DLC1: variants seen among roughly 807,000 people sequenced by gnomAD.
DLC1 encodes DLC1 Rho GTPase activating protein.
Under a neutral mutation model 140.3 loss-of-function variants are expected in DLC1, and 54 were observed. The observed-to-expected ratio is 0.38, with a 90% CI of 0.31 to 0.48. DLC1 has a LOEUF of 0.48. Ranked by LOEUF, DLC1 falls within the 20% of genes least tolerant of loss-of-function variation. The pLI, the probability that DLC1 is intolerant of heterozygous loss-of-function variation, is 0.96. For missense variants in DLC1, 2,536 were observed against 1,907.0 expected (o/e 1.33, Z -6.14); for synonymous variants, 986 against 728.1 (o/e 1.35, Z -5.70).
At chr8:13,519,054 C>T (rs1338285940), upstream of DLC1, among the ~76,000 whole-genome samples, 2 of 151,980 alleles carry the variant, frequency 1.3e-5, no homozygotes, top group East Asian at 1.9e-4. Context: ...AGGTTTGTTA[C>T]ATATGTATAC....
rs144792804 is a variant in DLC1, at chr8:13,276,372, G to A, written c.1348+28897C>T. On this transcript the variant is annotated intron_variant, in intron 5 of 17. Transcript: ENST00000276297. The stretch of plus-strand genomic sequence containing the variant: ...CCGGAGAGGGGCTCGCAGGGGGCGC[G>A]CCATCACGTGGGCCTTGGGGTCCCC... 5 of 1,518,732 alleles carry A rather than the reference G, an allele frequency of 3.3e-6. No homozygotes were observed. The Admixed American group carries it at 8.1e-5, about 25-fold the overall frequency. The allele number at this position is 1,518,732 out of a possible 1,614,324, so 94.1% of individuals were successfully genotyped here.
chr8:13,319,638 T>G (rs774206962), intron 4 of DLC1, among the ~76,000 whole-genome samples: 1 of 152,100 alleles, frequency 6.6e-6, no homozygotes, highest in Non-Finnish European at 1.5e-5. Flanking sequence ...GACATGATTG[T>G]CAGTTTCTTG....
At chr8:13,485,239 G>T (rs1585187022) in intron 2 of DLC1, among the ~76,000 whole-genome samples, 1 of 152,092 alleles carries the variant, frequency 6.6e-6, no homozygotes, top group African/African-American at 2.4e-5. Flanking sequence ...CCCAAGTCCT[G>T]ATGCAGTATA....
chr8:13,426,372 C>T (rs1838582526), intron 2 of DLC1, among the ~76,000 whole-genome samples: 1 of 152,186 alleles, frequency 6.6e-6, no homozygotes, highest in Non-Finnish European at 1.5e-5. Flanking sequence ...CATAGATGCA[C>T]ATGTTTTTAT....
intron 2 of DLC1, among the ~76,000 whole-genome samples, chr8:13,425,909 A>C (rs1838553767): frequency 6.6e-6 from 1 of 152,122 alleles, no homozygotes; most frequent in Non-Finnish European, 1.5e-5. Context: ...AGAACAAGTT[A>C]AAGAAAGGTC....
chr8:13,186,222 G>A (rs528438658), intron 5 of DLC1, among the ~76,000 whole-genome samples: 1 of 152,254 alleles, frequency 6.6e-6, no homozygotes, highest in East Asian at 1.9e-4. Context: ...AAGTTCTCCT[G>A]GATAATATCC....
intron 1 of DLC1, among the ~76,000 whole-genome samples, chr8:13,562,466 T>C (rs1300151886): frequency 6.6e-6 from 1 of 152,120 alleles, no homozygotes; most frequent in Non-Finnish European, 1.5e-5. Flanking sequence ...GCACATGAAA[T>C]GGTGTTCATT....
chr8:13,179,707 C>G (rs915260072), intron 5 of DLC1, among the ~76,000 whole-genome samples: 1 of 151,862 alleles, frequency 6.6e-6, no homozygotes, highest in East Asian at 1.9e-4. Flanking sequence ...GGCCACAGTG[C>G]AAGACTCAGT....
intron 1 of DLC1, among the ~76,000 whole-genome samples, chr8:13,573,396 G>A (rs868612686): frequency 5.9e-5 from 9 of 152,156 alleles, no homozygotes; most frequent in Admixed American, 1.3e-4. Flanking sequence ...GTATAAGAGT[G>A]TATCTACAAC....
At position 13,565,104 on chromosome 8, in the gene DLC1, T is replaced by C. The variant is rs564112013; in HGVS notation, c.-126+39433A>G. 9.2e-5 allele frequency among the ~76,000 whole-genome samples: 14 copies of C among 152,334 alleles called. No homozygotes were observed. In the East Asian group the frequency reaches 2.3e-3, roughly 25 times the overall value. On this transcript the variant is annotated intron_variant, in intron 1 of 1. Transcript: ENST00000631382. ...AGTACTGTTGAGAAATTTTCTTCCT[T>C]AGATAACACACTTACTAGAATGTAA... is the stretch of plus-strand genomic sequence containing the variant.
At chr8:13,215,895 C>A (rs774637589) in intron 5 of DLC1, among the ~76,000 whole-genome samples, 1 of 152,176 alleles carries the variant, frequency 6.6e-6, no homozygotes, top group Non-Finnish European at 1.5e-5. Flanking sequence ...GGCTACAACT[C>A]GTCTCCCCAG....
Position 13,525,522 on chromosome 8 carries a change from A to G in DLC1, c.-125-25326T>C, listed in dbSNP as rs528492387. On this transcript the variant is annotated intron_variant, in intron 1 of 1. Coordinates refer to the DLC1 transcript ENST00000631382. ...TGGTATGATGAGTCTTTTTAGTTTT[A>G]GCCATTCTAATAGATGTATGGTCAT... is the stretch of plus-strand genomic sequence containing the variant. Among the ~76,000 whole-genome samples, 84 of 152,298 alleles carry G rather than the reference A, an allele frequency of 5.5e-4. 1 individual carries two copies. In the South Asian group the frequency reaches 0.015, roughly 27 times the overall value.
chr8:13,227,280 A>AT (rs1828838193), intron 5 of DLC1, among the ~76,000 whole-genome samples: 1 of 152,166 alleles, frequency 6.6e-6, no homozygotes, highest in South Asian at 2.1e-4. Context: ...CCATCTCATT[A>AT]TTGCTACTTC....
chr8:13,528,372 T>C (rs1428144635), intron 1 of DLC1, among the ~76,000 whole-genome samples: 2 of 152,154 alleles, frequency 1.3e-5, no homozygotes, highest in Non-Finnish European at 2.9e-5. Context: ...ATTTTGTAAA[T>C]TTACATATCT....
chr8:13,471,505 G>A (rs1800205762), intron 2 of DLC1, among the ~76,000 whole-genome samples: 1 of 148,074 alleles, frequency 6.8e-6, no homozygotes, highest in African/African-American at 2.5e-5. Context: ...GGCAGGGAAA[G>A]GAGGGAGGGA....
intron 2 of DLC1, among the ~76,000 whole-genome samples, chr8:13,456,759 C>T (rs1055280289): frequency 1.6e-4 from 24 of 151,976 alleles, no homozygotes; most frequent in Admixed American, 1.4e-3. Flanking sequence ...GTGCCCCCCT[C>T]CATAATATAC....
At chr8:13,392,241 C>T (rs1197751032) in intron 4 of DLC1, among the ~76,000 whole-genome samples, 1 of 152,110 alleles carries the variant, frequency 6.6e-6, no homozygotes, top group Admixed American at 6.6e-5. Flanking sequence ...TACATACTTA[C>T]CTCCTTTTGC....
At chr8:13,249,231 C>T (rs148716508) in intron 5 of DLC1, among the ~76,000 whole-genome samples, 1 of 152,176 alleles carries the variant, frequency 6.6e-6, no homozygotes, top group African/African-American at 2.4e-5. Flanking sequence ...CACCTGCAAC[C>T]ACATCTGACT....
intron 1 of DLC1, among the ~76,000 whole-genome samples, chr8:13,508,684 C>G (rs1288518368): frequency 6.6e-6 from 1 of 152,158 alleles, no homozygotes. Context: ...TCCCAAAGTG[C>G]TGGGATTACA....
Sources: allele counts gnomAD v4.1 joint callset (sites outside exome capture counted in the v4.1 genomes callset), GRCh38; gene constraint gnomAD v4.1.1; transcripts MANE v1.5; gene names NCBI Gene and HGNC (gene_info 2026-07-23, HGNC 2026-07-21).